The following C14orf39 variants were observed in gnomAD, a reference collection of about 807,000 sequenced individuals.
C14orf39 encodes the protein protein SIX6OS1.
A neutral mutation model predicts 85.6 loss-of-function variants in C14orf39; 66 were observed. The observed-to-expected ratio is 0.77, with a 90% CI of 0.63 to 0.95. The LOEUF (loss-of-function observed/expected upper bound fraction) is 0.95. Among genes scored for constraint, C14orf39 ranks in the 40% least tolerant of loss-of-function variants. C14orf39 has a pLI of 0.00. For synonymous variants in C14orf39, 242 were observed against 214.0 expected (o/e 1.13, Z -1.14); for missense variants, 735 against 663.9 (o/e 1.11, Z -1.18).
chr14:60,453,930 T>C (rs1409673706), intron 16 of C14orf39, among the ~76,000 whole-genome samples: 1 of 151,972 alleles, frequency 6.6e-6, no homozygotes, highest in African/African-American at 2.4e-5. Context: ...TCATTAACTT[T>C]TTTCAGTAGT....
rs139213623 is a variant in C14orf39, at chr14:60,491,579, C to T, written c.-8-6493G>A. 6.6e-6 allele frequency among the ~76,000 whole-genome samples: 1 copy of T among 152,286 alleles called. No individual in the cohort carries two copies. The highest frequency in any genetic ancestry group is 2.4e-5 in the African/African-American group (1 of 41,566). On this transcript the variant is annotated intron_variant, in intron 2 of 5. Coordinates refer to the C14orf39 transcript ENST00000556799. This position sits in a 1 kb window ranked among gnomAD's most constrained non-coding sequence, Gnocchi z 4.5. ...CAGAAACCTAGACCGTGACAACCTT[C>T]CTCTCCTATCATCCCCCACATCAAA...
chr14:60,490,444 T>C (rs1892969532), upstream of C14orf39, among the ~76,000 whole-genome samples: 1 of 30,076 alleles, frequency 3.3e-5, no homozygotes, highest in Non-Finnish European at 1.1e-4. Flanking sequence ...TCTCTATAAA[T>C]AAATAAATGA....
chr14:60,487,669 T>C (rs1892921767), upstream of C14orf39, among the ~76,000 whole-genome samples: 1 of 152,226 alleles, frequency 6.6e-6, no homozygotes, highest in African/African-American at 2.4e-5. Flanking sequence ...CTGGGTCTTA[T>C]GATAGTTCTA....
intron 2 of C14orf39, among the ~76,000 whole-genome samples, chr14:60,497,993 C>T (rs1893093121): frequency 6.6e-6 from 1 of 152,148 alleles, no homozygotes; most frequent in Non-Finnish European, 1.5e-5. Context: ...CTACAGTGTC[C>T]TGGTAAATAC....
chr14:60,471,993 C>T (rs561340824), intron 5 of C14orf39, among the ~76,000 whole-genome samples: 3 of 151,976 alleles, frequency 2.0e-5, no homozygotes, highest in Non-Finnish European at 2.9e-5. Context: ...ATTTTAATGA[C>T]GCTATTCTTC....
rs1893005619 is a variant in C14orf39, at chr14:60,492,539, C to T, written c.-9+6757G>A. ...CTGTAATCCCCACACTTTGGGAGGC[C>T]AACACAAGTGGATTGCTTGAGTTCG... On this transcript the variant is annotated intron_variant, in intron 2 of 5. Coordinates refer to the C14orf39 transcript ENST00000556799. Among the ~76,000 whole-genome samples, 3 of 151,544 alleles carry T rather than the reference C, an allele frequency of 2.0e-5. No homozygotes were observed. In the South Asian group the frequency reaches 6.3e-4, roughly 32 times the overall value.
intron 1 of C14orf39, chr14:60,510,937 C>G (rs1345031913): frequency 2.5e-6 from 2 of 807,714 alleles, no homozygotes; most frequent in African/African-American, 1.7e-5. Flanking sequence ...CGACCTCTGT[C>G]GCCTTGCCGA....
intron 2 of C14orf39, chr14:60,494,838 G>C (rs899666336): frequency 2.0e-5 from 3 of 153,118 alleles, no homozygotes; most frequent in Non-Finnish European, 2.9e-5. Flanking sequence ...GAGGTGCAAG[G>C]ACCTTCAAGG....
At chr14:60,441,304 T>C (rs1336502687) in intron 17 of C14orf39, among the ~76,000 whole-genome samples, 1 of 152,198 alleles carries the variant, frequency 6.6e-6, no homozygotes, top group Non-Finnish European at 1.5e-5. Context: ...ACATGCAACA[T>C]GCCTTTTGTC....
At chr14:60,469,988 T>C (rs1381267876) in intron 7 of C14orf39, among the ~76,000 whole-genome samples, 1 of 142,684 alleles carries the variant, frequency 7.0e-6, no homozygotes, top group East Asian at 2.4e-4. Flanking sequence ...TTGGCATAAC[T>C]AATAAAACAT....
chr14:60,511,050 G>A, intron 1 of C14orf39: 2 of 1,606,766 alleles, frequency 1.2e-6, no homozygotes, highest in East Asian at 2.2e-5. Flanking sequence ...GCTGTGTTAC[G>A]AGCTGTGACC....
intron 1 of C14orf39, among the ~76,000 whole-genome samples, chr14:60,506,001 T>G (rs1434684555): frequency 6.6e-6 from 1 of 152,210 alleles, no homozygotes; most frequent in African/African-American, 2.4e-5. Context: ...TTTGCCTAAA[T>G]CCAGCACGAA....
rs59069570 is a variant in C14orf39, at chr14:60,455,423, A to G, written c.1359-278T>C. Among the ~76,000 whole-genome samples the G allele has an allele frequency of 2.9e-3, 445 of 152,234 alleles. 1 individual carries two copies. Among genetic ancestry groups the G allele is most frequent in the African/African-American group, 0.01 (428 of 41,572 alleles). On this transcript the variant is annotated intron_variant, in intron 15 of 17. Coordinates refer to ENST00000321731, the MANE Select transcript of C14orf39 (RefSeq NM_174978.3). ...ATTTTACAGTAGGGAATTTTGAAGC[A>G]TAGAAAGGTTAAATGATTTGCTTAA... is the stretch of plus-strand genomic sequence containing the variant.
chr14:60,484,016 TAAG>T lies in C14orf39; in HGVS notation c.107-202_107-200del, dbSNP rs751447513. Among the ~76,000 whole-genome samples the T allele has an allele frequency of 3.9e-5, 6 of 152,140 alleles. No individual in the cohort carries two copies. Among genetic ancestry groups the T allele is most frequent in the Non-Finnish European group, 7.4e-5 (5 of 68,018 alleles). ...CAGGCCTGATCCTAGAGCCAGAAGCTAAGAAGATTTTCAGTTTGGGAATGATGA... is the reference window on the plus strand; with the variant it reads ...CAGGCCTGATCCTAGAGCCAGAAGCTAAGATTTTCAGTTTGGGAATGATGA... On this transcript the variant is annotated intron_variant, in intron 3 of 17. Coordinates refer to ENST00000321731, the MANE Select transcript of C14orf39 (RefSeq NM_174978.3). The surrounding 1 kb of genome is among the most constrained non-coding windows in gnomAD (Gnocchi z 4.2).
In C14orf39 at chr14:60,469,612, G is replaced by T; in HGVS notation, c.596C>A (p.Ala199Asp). 2 of 1,506,932 alleles carry T rather than the reference G, an allele frequency of 1.3e-6. No homozygotes were observed. Among genetic ancestry groups the T allele is most frequent in the Non-Finnish European group, 1.8e-6 (2 of 1,116,556 alleles). The allele number at this position is 1,506,932 out of a possible 1,614,324, so 93.3% of individuals were successfully genotyped here. Residue 199 changes from alanine (A) to aspartate (D), a missense_variant, in exon 8 of 18, where the codon GCC becomes GAC. Transcript: ENST00000321731. ...RCETQDILKH[A>D]SNLTKSSSEL... Reference sequence around the variant, plus strand: ...GGATGAACTTTTGGTAAGATTGCTGGCATGTTTAAGAATATCTTGTGTTTC... The same window carrying T: ...GGATGAACTTTTGGTAAGATTGCTGTCATGTTTAAGAATATCTTGTGTTTC...
chr14:60,489,682 A>G (rs1892957156), upstream of C14orf39, among the ~76,000 whole-genome samples: 1 of 152,182 alleles, frequency 6.6e-6, no homozygotes, highest in Non-Finnish European at 1.5e-5. Flanking sequence ...AATATCAAAT[A>G]TGCCTTTTCT....
In C14orf39 at chr14:60,471,600, A is replaced by C. The variant is rs778396854; in HGVS notation, c.463T>G (p.Cys155Gly). ...HEEIQSRVLA[C>G]TEQLKMNETI... ...TCATTCATTTTTAATTGTTCAGTACATGCCAACACTCTGCTTTGAATTTCT... is the reference window on the plus strand; with the variant it reads ...TCATTCATTTTTAATTGTTCAGTACCTGCCAACACTCTGCTTTGAATTTCT... The change falls in exon 6 of 18, where the codon TGT becomes GGT. Residue 155 changes from cysteine to glycine, a missense_variant. By Grantham distance (159) the Cys-to-Gly change is radical (BLOSUM62 -3). Transcript: ENST00000321731. 1.9e-6 allele frequency: 3 copies of C among 1,609,882 alleles called. No homozygotes were observed. Among genetic ancestry groups the C allele is most frequent in the South Asian group, 1.1e-5 (1 of 90,228 alleles).
intron 17 of C14orf39, among the ~76,000 whole-genome samples, chr14:60,440,391 C>G (rs1890451548): frequency 6.6e-6 from 1 of 152,164 alleles, no homozygotes; most frequent in Admixed American, 6.5e-5. Context: ...ATGTCAAAAC[C>G]ATGGCACAAT....
At chr14:60,443,426 T>G (rs767954577) in intron 16 of C14orf39, among the ~76,000 whole-genome samples, 4 of 152,148 alleles carry the variant, frequency 2.6e-5, no homozygotes, top group African/African-American at 9.7e-5. Context: ...ACTGCTAGCA[T>G]AGCAGTCTGA....
Sources: gnomAD v4.1 joint callset for allele counts (sites outside exome capture counted in the v4.1 genomes callset) on GRCh38, gnomAD v4.1.1 for gene constraint, Gnocchi (gnomAD v3.1) non-coding constraint, MANE v1.5 for transcripts, NCBI Gene and HGNC (gene_info 2026-07-23, HGNC 2026-07-21) for gene names.